Variants in BUB1 observed in about 807,000 individuals in gnomAD.
The protein encoded by BUB1 is mitotic checkpoint serine/threonine-protein kinase BUB1.
BUB1 carries 84 observed loss-of-function variants against 135.2 expected under a neutral mutation model. The observed-to-expected ratio is 0.62, with a 90% CI of 0.52 to 0.74. The LOEUF is 0.74. Ranked by LOEUF, BUB1 falls within the 30% of genes least tolerant of loss-of-function variation. The pLI is 0.00. For missense variants in BUB1, 1,162 were observed against 1,288.3 expected (o/e 0.90, Z 1.50); for synonymous variants, 403 against 434.4 (o/e 0.93, Z 0.90).
intron 19 of BUB1, among the ~76,000 whole-genome samples, chr2:110,646,965 C>T (rs1263014621): frequency 6.6e-6 from 1 of 152,040 alleles, no homozygotes; most frequent in Admixed American, 6.5e-5. Flanking sequence ...TTGAAAGACG[C>T]AATCTACCAA....
At chr2:110,657,932 C>T (rs1455565142) in intron 13 of BUB1, among the ~76,000 whole-genome samples, 1 of 152,226 alleles carries the variant, frequency 6.6e-6, no homozygotes, top group African/African-American at 2.4e-5. Context: ...TCAATAAACG[C>T]TCTCAGGGTT....
chr2:110,658,448 A>G lies in BUB1; in HGVS notation c.1478T>C (p.Leu493Pro). The G allele has an allele frequency of 1.9e-6, 3 of 1,613,630 alleles. No homozygotes were observed. In the African/African-American group the frequency reaches 4.0e-5, roughly 22 times the overall value. Residue 493 changes from leucine (L) to proline (P), a missense_variant, in exon 13 of 25, where the codon CTA becomes CCA. By Grantham distance (98) the Leu-to-Pro change is moderately conservative (BLOSUM62 -3). Coordinates refer to ENST00000302759, the MANE Select transcript of BUB1 (RefSeq NM_004336.5). ...TTCAAATGCATCTTCATTTTGATCT[A>G]GAGATTGCCATTCATCTTTGTCATC... is the stretch of plus-strand genomic sequence containing the variant. ...ISDDKDEWQS[L>P]DQNEDAFEAQ...
intron 17 of BUB1, among the ~76,000 whole-genome samples, chr2:110,653,228 T>C (rs1689829199): frequency 6.6e-6 from 1 of 152,242 alleles, no homozygotes; most frequent in Non-Finnish European, 1.5e-5. Flanking sequence ...CGGCCTGATG[T>C]ATCAAGTGCT....
At chr2:110,645,130 C>G (rs1198555145) in intron 19 of BUB1, among the ~76,000 whole-genome samples, 1 of 152,036 alleles carries the variant, frequency 6.6e-6, no homozygotes, top group Non-Finnish European at 1.5e-5. Flanking sequence ...AATACCAAGA[C>G]AGATGAAAAG....
At chr2:110,675,774 C>T (rs368968981) in intron 1 of BUB1, among the ~76,000 whole-genome samples, 3 of 152,282 alleles carry the variant, frequency 2.0e-5, no homozygotes, top group African/African-American at 4.8e-5. Flanking sequence ...GCCTCAGCCT[C>T]CTGAGTAGCT....
rs750703399 is a variant in BUB1 at position 110,658,453 on chromosome 2, T to C, written c.1473A>G (p.Gln491=). Residue 491 remains glutamine (Q), a synonymous_variant, in exon 13 of 25, where the codon CAA becomes CAG. Coordinates refer to ENST00000302759, the MANE Select transcript of BUB1 (RefSeq NM_004336.5). ...ATGCATCTTCATTTTGATCTAGAGATTGCCATTCATCTTTGTCATCAGAAA... is the reference window on the plus strand; with the variant it reads ...ATGCATCTTCATTTTGATCTAGAGACTGCCATTCATCTTTGTCATCAGAAA... The part of the protein sequence containing the change: ...PDISDDKDEW[Q]SLDQNEDAFE... 6 of 1,614,066 alleles carry C rather than the reference T, an allele frequency of 3.7e-6. No individual in the cohort carries two copies. Among genetic ancestry groups the C allele is most frequent in the Non-Finnish European group, 5.1e-6 (6 of 1,179,990 alleles).
At position 110,672,664 on chromosome 2, in the gene BUB1, T is replaced by C. The variant is rs1325883633; in HGVS notation, c.419A>G (p.Tyr140Cys). 1 of 1,585,092 alleles carries C rather than the reference T, an allele frequency of 6.3e-7. No homozygotes were observed. The highest frequency in any genetic ancestry group is 1.9e-5 in the Admixed American group (1 of 53,620). Residue 140 changes from tyrosine to cysteine, a missense_variant, in exon 4 of 25, where the codon TAC (tyrosine) becomes TGC (cysteine). By Grantham distance (194) the Tyr-to-Cys change is radical (BLOSUM62 -2). Coordinates refer to ENST00000302759, the MANE Select transcript of BUB1 (RefSeq NM_004336.5). ...AEPREFLQQQ[Y>C]RLFQTRLTET... Reference sequence around the variant, plus strand: ...GAGAGTTTGACTTTGTAACTACCTGTATTGTTGTTGCAGGAACTCTCTGGG... The same window carrying C: ...GAGAGTTTGACTTTGTAACTACCTGCATTGTTGTTGCAGGAACTCTCTGGG...
intron 24 of BUB1, among the ~76,000 whole-genome samples, 195 bp downstream of exon 24, chr2:110,639,547 G>A (rs1385724366): frequency 6.6e-6 from 1 of 152,146 alleles, no homozygotes. Flanking sequence ...AGCTGCCCCA[G>A]TGGGGAGAGA....
At chr2:110,646,291 G>A (rs1307583647) in intron 19 of BUB1, among the ~76,000 whole-genome samples, 1 of 145,024 alleles carries the variant, frequency 6.9e-6, no homozygotes, top group Non-Finnish European at 1.5e-5. Context: ...AGCCAAGATT[G>A]TGCCACTGCA....
At chr2:110,658,264 G>T (rs922137759) in intron 13 of BUB1, 146 bp downstream of exon 13, 5 of 633,194 alleles carry the variant, frequency 7.9e-6, no homozygotes, top group Non-Finnish European at 1.3e-5. Flanking sequence ...ACCTTGTCAA[G>T]AACTGTCTTA....
chr2:110,650,532 G>C lies in BUB1; in HGVS notation c.2203+14C>G. Reference sequence around the variant, plus strand: ...TCCTGATTCAAGGGCATAACAAAGAGTGAGTGTTCGTACTTGGAGCATCAA... The same window carrying C: ...TCCTGATTCAAGGGCATAACAAAGACTGAGTGTTCGTACTTGGAGCATCAA... On this transcript the variant is annotated intron_variant, in intron 18 of 24. Coordinates refer to ENST00000302759, the MANE Select transcript of BUB1 (RefSeq NM_004336.5). 1 of 1,609,238 alleles carries C rather than the reference G, an allele frequency of 6.2e-7. No homozygotes were observed. Among genetic ancestry groups the C allele is most frequent in the Non-Finnish European group, 8.5e-7 (1 of 1,176,640 alleles).
At chr2:110,669,085 G>C (rs1224101903) in intron 6 of BUB1, among the ~76,000 whole-genome samples, 1 of 152,184 alleles carries the variant, frequency 6.6e-6, no homozygotes. Context: ...TTGAGGCTCT[G>C]AGTTTTGAAA....
chr2:110,643,163 T>A, intron 19 of BUB1, among the ~76,000 whole-genome samples: 1 of 152,132 alleles, frequency 6.6e-6, no homozygotes, highest in East Asian at 1.9e-4. Context: ...TGAGATCCAT[T>A]AGAGAACTGA....
intron 19 of BUB1, among the ~76,000 whole-genome samples, chr2:110,645,395 C>A (rs1689616125): frequency 6.6e-6 from 1 of 150,608 alleles, no homozygotes; most frequent in Admixed American, 6.6e-5. Context: ...GATCATAGTA[C>A]TACGGCACTA....
In BUB1 at chr2:110,657,067, C is replaced by A; in HGVS notation, c.1667G>T (p.Arg556Leu). 1 of 1,612,928 alleles carries A rather than the reference C, an allele frequency of 6.2e-7. No homozygotes were observed. The highest frequency in any genetic ancestry group is 8.5e-7 in the Non-Finnish European group (1 of 1,179,344). Residue 556 changes from arginine (R) to leucine (L), a missense_variant, in exon 15 of 25, where the codon CGC becomes CTC. Physicochemically the swap from Arg to Leu is moderately radical, Grantham distance 102 (BLOSUM62 -2). Transcript: ENST00000302759. ...KPTGARTFGE[R>L]SVSRLPSKPK... ...TTTTGAAGGAAGTCTGCTGACAGAG[C>A]GTTCTCCAAAGGTCCTGGCTCCTGT...
chr2:110,656,457 A>G (rs137997713), intron 15 of BUB1, among the ~76,000 whole-genome samples: 2 of 152,166 alleles, frequency 1.3e-5, no homozygotes, highest in Admixed American at 6.5e-5. Context: ...GACACTTTTG[A>G]ACACTAGTCA....
At position 110,667,704 on chromosome 2, in the gene BUB1, C is replaced by T; in HGVS notation, c.622G>A (p.Glu208Lys). The change falls in exon 8 of 25, where the codon GAA (glutamate) becomes AAA (lysine). Residue 208 changes from glutamate (E) to lysine (K), a missense_variant and splice_region_variant. Glu to Lys is a moderately conservative substitution (Grantham distance 56). Transcript: ENST00000302759. ...SSACDKESNM[E>K]RRVITISKSE... ...TTAGAAATCGTGATCACTCTTCGTT[C>T]CCTACAATGGGGGAAAATACATTAT... The T allele has an allele frequency of 1.2e-6, 2 of 1,612,070 alleles. No individual in the cohort carries two copies. Among genetic ancestry groups the T allele is most frequent in the Non-Finnish European group, 1.7e-6 (2 of 1,179,322 alleles).
At chr2:110,641,870 C>T (rs189704008) in intron 20 of BUB1, 67 bp from the exon 21 acceptor site, 130 of 1,488,502 alleles carry the variant, frequency 8.7e-5, no homozygotes, top group Non-Finnish European at 1.0e-4. Flanking sequence ...AATAAAGCAA[C>T]CTCTATCCCA....
chr2:110,668,800 T>G (rs532361328), intron 6 of BUB1, among the ~76,000 whole-genome samples: 1 of 152,184 alleles, frequency 6.6e-6, no homozygotes, highest in South Asian at 2.1e-4. Context: ...AGAAAACTGA[T>G]AGATGTCACT....
Sources: allele counts gnomAD v4.1 joint callset (sites outside exome capture counted in the v4.1 genomes callset), GRCh38; gene constraint gnomAD v4.1.1; transcripts MANE v1.5; gene names NCBI Gene and HGNC (gene_info 2026-07-23, HGNC 2026-07-21).